MAP7: variants seen among roughly 807,000 people sequenced by gnomAD.
MAP7 encodes ensconsin.
A neutral mutation model predicts 94.8 loss-of-function variants in MAP7; 52 were observed. The ratio of observed to expected loss-of-function variants is 0.55; its 90% CI spans 0.44 to 0.69. The LOEUF is 0.69. MAP7 is among the 30% of genes least tolerant of loss of function. The pLI, the probability that MAP7 is intolerant of heterozygous loss-of-function variation, is 0.00. For synonymous variants in MAP7, 350 were observed against 357.0 expected, an observed-to-expected ratio of 0.98 and a Z score of 0.22; for missense variants, 940 against 964.6, an observed-to-expected ratio of 0.97 and a Z score of 0.34.
At chr6:136,510,963 T>C (rs915485862) in intron 1 of MAP7, among the ~76,000 whole-genome samples, 6 of 151,928 alleles carry the variant, frequency 3.9e-5, no homozygotes, top group Non-Finnish European at 8.8e-5. Context: ...CCTAGGGGAA[T>C]TTCTGAGTTC....
intron 1 of MAP7, among the ~76,000 whole-genome samples, chr6:136,456,828 A>AGGAAGAAG: frequency 8.1e-6 from 1 of 123,756 alleles, no homozygotes; most frequent in East Asian, 2.3e-4. Context: ...AGAAGGAAGA[A>AGGAAGAAG]GAAGAAGAAG....
chr6:136,362,259 TA>T (rs1215744740), intron 11 of MAP7, among the ~76,000 whole-genome samples, 190 bp downstream of exon 11: 3 of 151,646 alleles, frequency 2.0e-5, no homozygotes, highest in African/African-American at 7.3e-5. Context: ...CATTTCTATT[TA>T]AAAAAAAGAA....
intron 3 of MAP7, among the ~76,000 whole-genome samples, chr6:136,400,842 A>G (rs1476512894): frequency 6.6e-6 from 1 of 152,212 alleles, no homozygotes; most frequent in Non-Finnish European, 1.5e-5. Flanking sequence ...TGAATTTCTC[A>G]GTCAGATCCA....
chr6:136,445,741 C>A (rs1415423321), intron 1 of MAP7, among the ~76,000 whole-genome samples: 1 of 152,192 alleles, frequency 6.6e-6, no homozygotes, highest in Non-Finnish European at 1.5e-5. Context: ...AAGCCATATT[C>A]ATGGAAGACA....
chr6:136,476,290 G>C (rs1458317190), intron 1 of MAP7: 2 of 152,132 alleles, frequency 1.3e-5, no homozygotes, highest in Admixed American at 6.5e-5. Context: ...CAAGAGCTGT[G>C]CTGTCCAGTA....
At chr6:136,470,606 C>T (rs537186316) in intron 1 of MAP7, among the ~76,000 whole-genome samples, 1 of 152,156 alleles carries the variant, frequency 6.6e-6, no homozygotes, top group South Asian at 2.1e-4. Flanking sequence ...TACCCTTTGG[C>T]CAATATCTCA....
chr6:136,429,046 G>A (rs1794125045), intron 1 of MAP7, among the ~76,000 whole-genome samples: 1 of 152,078 alleles, frequency 6.6e-6, no homozygotes, highest in South Asian at 2.1e-4. Flanking sequence ...TTGTCACAGT[G>A]TTCCACAAGG....
chr6:136,361,709 C>T (rs999335155), intron 11 of MAP7, among the ~76,000 whole-genome samples: 6 of 152,124 alleles, frequency 3.9e-5, no homozygotes, highest in African/African-American at 9.7e-5. Context: ...TATTGACATT[C>T]GTCTTATTAG....
chr6:136,365,590 A>T, intron 10 of MAP7, 145 bp downstream of exon 10: 1 of 807,732 alleles, frequency 1.2e-6, no homozygotes, highest in Non-Finnish European at 1.9e-6. Flanking sequence ...AAAATATTAT[A>T]CTTAAGGAAA....
chr6:136,489,971 T>C (rs1182131906), intron 1 of MAP7, among the ~76,000 whole-genome samples: 2 of 152,168 alleles, frequency 1.3e-5, no homozygotes, highest in African/African-American at 2.4e-5. Flanking sequence ...GTCAGCCAAA[T>C]ATATACAATT....
At chr6:136,508,645 T>C (rs1382843843) in intron 1 of MAP7, among the ~76,000 whole-genome samples, 1 of 152,112 alleles carries the variant, frequency 6.6e-6, no homozygotes, top group Non-Finnish European at 1.5e-5. Context: ...AGGGTCCCAA[T>C]AAAAGAAAAG....
intron 1 of MAP7, among the ~76,000 whole-genome samples, chr6:136,485,002 A>C (rs1814167148): frequency 6.6e-6 from 1 of 152,164 alleles, no homozygotes; most frequent in Non-Finnish European, 1.5e-5. Flanking sequence ...ACCCATGTTC[A>C]ACGATTCTTA....
rs769398876 is a variant in MAP7 at position 136,359,896 on chromosome 6, G to A, written c.1855-19C>T. ...TGGTTTTCTACGAAGAAGAAAAAAAGAGGACTTTTAAAAATTAGAGTTACA... is the reference window on the plus strand; with the variant it reads ...TGGTTTTCTACGAAGAAGAAAAAAAAAGGACTTTTAAAAATTAGAGTTACA... On this transcript the variant is annotated intron_variant, in intron 14 of 17. Coordinates refer to ENST00000354570, the MANE Select transcript of MAP7 (RefSeq NM_003980.6). 59 of 1,612,102 alleles carry A rather than the reference G, an allele frequency of 3.7e-5. No individual in the cohort carries two copies. The highest frequency in any genetic ancestry group is 4.9e-5 in the Non-Finnish European group (58 of 1,179,498).
chr6:136,496,777 T>TAAA (rs1171059105), intron 1 of MAP7, among the ~76,000 whole-genome samples: 55 of 53,318 alleles, frequency 1.0e-3, no homozygotes, highest in African/African-American at 3.4e-3. Flanking sequence ...CCGTCTCTAC[T>TAAA]AAAAAAAAAA....
At chr6:136,494,024 T>G (rs796331552) in intron 1 of MAP7, among the ~76,000 whole-genome samples, 58 of 152,374 alleles carry the variant, frequency 3.8e-4, no homozygotes, top group African/African-American at 1.3e-3. Flanking sequence ...CATTTTTATT[T>G]GTACCATATA....
intron 1 of MAP7, among the ~76,000 whole-genome samples, chr6:136,548,944 T>A (rs967497558): frequency 6.6e-6 from 1 of 152,172 alleles, no homozygotes; most frequent in Non-Finnish European, 1.5e-5. Context: ...TACAAAGGCA[T>A]CTCTTCTCCA....
rs558987662 is a variant in MAP7 at position 136,343,907 on chromosome 6, G to A, written c.*321C>T. On this transcript the variant is annotated 3_prime_UTR_variant, in exon 18 of 18. Coordinates refer to ENST00000354570, the MANE Select transcript of MAP7 (RefSeq NM_003980.6). Reference sequence around the variant, plus strand: ...TTTAAGACCAAAAAAATCATGCCTAGTCAGCCCATTTCTTTTATAACCAAA... The same window carrying A: ...TTTAAGACCAAAAAAATCATGCCTAATCAGCCCATTTCTTTTATAACCAAA... 1.1e-5 allele frequency: 2 copies of A among 188,240 alleles called. No homozygotes were observed. The highest frequency in any genetic ancestry group is 2.2e-5 in the Non-Finnish European group (2 of 92,372). 11.7% of individuals were successfully genotyped at this position (188,240 alleles called of 1,614,324 possible).
At chr6:136,359,708 C>A in intron 15 of MAP7, 112 bp downstream of exon 15, 1 of 980,872 alleles carries the variant, frequency 1.0e-6, no homozygotes, top group Non-Finnish European at 1.6e-6. Context: ...TTCTGTGAGT[C>A]TGTAAGCACT....
chr6:136,388,355 G>A (rs778962130), intron 5 of MAP7, 38 bp downstream of exon 5: 1 of 1,483,664 alleles, frequency 6.7e-7, no homozygotes, highest in Non-Finnish European at 9.3e-7. Flanking sequence ...TTACTTTCAG[G>A]AAAATAAAGA....
Sources: allele counts gnomAD v4.1 joint callset (sites outside exome capture counted in the v4.1 genomes callset), GRCh38; gene constraint gnomAD v4.1.1; transcripts MANE v1.5; gene names NCBI Gene and HGNC (gene_info 2026-07-23, HGNC 2026-07-21).